The following BLTP1 variants were observed in gnomAD, a reference collection of about 807,000 sequenced individuals.
BLTP1 encodes bridge-like lipid transfer protein family member 1, also known as fragile site-associated protein.
At chr4:122,180,170 A>G in the BLTP1 span, 15 of 985,258 alleles carry the variant, frequency 1.5e-5, no homozygotes, top group South Asian at 7.0e-4. Context: ...AGAATATAGG[A>G]TGTGATCCCT....
chr4:122,268,260 T>A, the BLTP1 span, among the ~76,000 whole-genome samples: 3 of 152,200 alleles, frequency 2.0e-5, no homozygotes, highest in Non-Finnish European at 2.9e-5. Context: ...TAGACTATTT[T>A]ATTTCTTTTT....
the BLTP1 span, chr4:122,200,109 C>T: frequency 1.4e-5 from 13 of 900,410 alleles, no homozygotes; most frequent in Non-Finnish European, 1.6e-5. Flanking sequence ...AAACATTTTA[C>T]ATATGACATA....
the BLTP1 span, chr4:122,249,718 G>C: frequency 6.2e-7 from 1 of 1,610,840 alleles, no homozygotes; most frequent in Non-Finnish European, 8.5e-7. Context: ...TTAAGGTGGG[G>C]ACAAATATGT....
At chr4:122,229,781 T>C in the BLTP1 span, 3 of 1,347,818 alleles carry the variant, frequency 2.2e-6, no homozygotes, top group Admixed American at 9.5e-5. Context: ...CCCTTTCCCA[T>C]TTTTTCCTTT....
chr4:122,208,810 G>T, the BLTP1 span: 1 of 356,492 alleles, frequency 2.8e-6, no homozygotes, highest in Non-Finnish European at 3.9e-6. Context: ...GGGAGCCTGA[G>T]GCAAGATGGT....
the BLTP1 span, chr4:122,344,145 G>T: frequency 2.5e-6 from 1 of 405,882 alleles, no homozygotes; most frequent in Non-Finnish European, 3.3e-6. Context: ...GTCAATTCTA[G>T]TTTCTATTGT....
At chr4:122,306,605 C>T in the BLTP1 span, 1 of 978,960 alleles carries the variant, frequency 1.0e-6, no homozygotes, top group Non-Finnish European at 1.2e-6. Flanking sequence ...ATGAAATTTA[C>T]TTTTATATCC....
At chr4:122,229,951 A>G in the BLTP1 span, 11 of 1,612,492 alleles carry the variant, frequency 6.8e-6, no homozygotes. Context: ...TTCGAGTTGC[A>G]AACTGTAATC....
chr4:122,253,013 TC>T, the BLTP1 span, among the ~76,000 whole-genome samples: 1 of 152,226 alleles, frequency 6.6e-6, no homozygotes, highest in Non-Finnish European at 1.5e-5. Flanking sequence ...TGTCTGGTAA[TC>T]CAGAGAATCT....
At chr4:122,207,740 A>C in the BLTP1 span, 1 of 1,100,780 alleles carries the variant, frequency 9.1e-7, no homozygotes, top group Admixed American at 2.6e-5. Flanking sequence ...TTGCAACTTC[A>C]AAGTATTTTT....
the BLTP1 span, chr4:122,205,055 CAA>C: frequency 0.039 from 5,923 of 152,696 alleles, 200 homozygotes; most frequent in Non-Finnish European, 0.051. Context: ...TTTAGTAAGA[CAA>C]GAGTTTCTAA....
chr4:122,290,925 C>A, the BLTP1 span: 1 of 493,646 alleles, frequency 2.0e-6, no homozygotes, highest in Non-Finnish European at 2.6e-6. Context: ...TAAATAGACT[C>A]TTACATGAAC....
chr4:122,200,693 G>A, the BLTP1 span: 1 of 984,630 alleles, frequency 1.0e-6, no homozygotes, highest in Non-Finnish European at 1.2e-6. Flanking sequence ...CTTAACAGAT[G>A]AGGCTTAAGG....
chr4:122,247,203 A>G, the BLTP1 span: 2 of 1,613,258 alleles, frequency 1.2e-6, no homozygotes, highest in African/African-American at 1.3e-5. Context: ...CTGGTAGAAC[A>G]TCAAATTTTG....
chr4:122,257,315 T>C, the BLTP1 span: 1 of 1,613,984 alleles, frequency 6.2e-7, no homozygotes, highest in Non-Finnish European at 8.5e-7. Context: ...GGCAAGGCAG[T>C]GGATGAAGTT....
At chr4:122,216,117 A>G in the BLTP1 span, among the ~76,000 whole-genome samples, 2 of 151,044 alleles carry the variant, frequency 1.3e-5, no homozygotes, top group African/African-American at 4.9e-5. Flanking sequence ...CTATCTATCT[A>G]TCTATCTATC....
the BLTP1 span, chr4:122,244,029 T>C: frequency 6.3e-7 from 1 of 1,575,292 alleles, no homozygotes; most frequent in Non-Finnish European, 8.6e-7. Context: ...TTTAGACAGG[T>C]ATTGATTTTG....
chr4:122,213,438 ATATAT>A, the BLTP1 span, among the ~76,000 whole-genome samples: 385 of 152,082 alleles, frequency 2.5e-3, 3 homozygotes, highest in Non-Finnish European at 4.6e-3. Context: ...TATTTTTATA[ATATAT>A]TCAAATTCAT....
chr4:122,274,215 A>G, the BLTP1 span: 1 of 655,864 alleles, frequency 1.5e-6, no homozygotes, highest in African/African-American at 1.9e-5. Flanking sequence ...AAATAGTTGA[A>G]CAAAATTTAC....
Sources: allele counts gnomAD v4.1 joint callset (sites outside exome capture counted in the v4.1 genomes callset), GRCh38; gene constraint gnomAD v4.1.1; transcripts MANE v1.5; gene names NCBI Gene and HGNC (gene_info 2026-07-23, HGNC 2026-07-21).